The following CDC14B variants were observed in gnomAD, a reference collection of about 807,000 sequenced individuals.
CDC14B encodes dual specificity protein phosphatase CDC14B.
CDC14B carries 22 observed loss-of-function variants against 64.2 expected under a neutral mutation model. The observed-to-expected ratio is 0.34, with a 90% CI of 0.24 to 0.49. The LOEUF is 0.49. Among genes scored for constraint, CDC14B ranks in the 20% least tolerant of loss-of-function variants. The probability of loss-of-function intolerance (pLI) is 0.99; values close to 1 mark genes in which losing one functional copy is unlikely to be tolerated. For missense variants in CDC14B, 498 were observed against 629.9 expected, an observed-to-expected ratio of 0.79 and a Z score of 2.24; for synonymous variants, 191 against 215.8, an observed-to-expected ratio of 0.89 and a Z score of 1.01.
chr9:96,601,794 GAA>G (rs35472518), intron 1 of CDC14B, among the ~76,000 whole-genome samples: 55 of 68,236 alleles, frequency 8.1e-4, no homozygotes, highest in African/African-American at 1.8e-3. Flanking sequence ...ACGCTGTCTC[GAA>G]AAAAAAAAAA....
chr9:96,587,321 G>A (rs762362338), intron 1 of CDC14B, among the ~76,000 whole-genome samples: 16 of 152,198 alleles, frequency 1.1e-4, no homozygotes, highest in Non-Finnish European at 2.2e-4. Flanking sequence ...CCACATGTGG[G>A]TAGTGGTCAC....
intron 4 of CDC14B, among the ~76,000 whole-genome samples, chr9:96,553,086 T>C (rs1164602284): frequency 6.6e-6 from 1 of 152,208 alleles, no homozygotes; most frequent in Non-Finnish European, 1.5e-5. Context: ...CTGATGTACT[T>C]AGCTGAACCC....
chr9:96,498,111 G>A (rs1458317065), downstream of CDC14B, among the ~76,000 whole-genome samples: 4 of 152,188 alleles, frequency 2.6e-5, no homozygotes, highest in Non-Finnish European at 5.9e-5. Flanking sequence ...CAGCTAGTCA[G>A]GGCGTGCTAC....
At position 96,551,809 on chromosome 9, in the gene CDC14B, A is replaced by G. The variant is rs763280602; in HGVS notation, c.484T>C (p.Tyr162His). Residue 162 changes from tyrosine to histidine, a missense_variant, in exon 5 of 14, where the codon TAT (tyrosine) becomes CAT (histidine). By Grantham distance (83) the Tyr-to-His change is moderately conservative (BLOSUM62 2). Transcript: ENST00000375241. ...YRILIFGETS[Y>H]IPFRDAAYGS... ...TCTTATATTTACCTGAAAGGAATAT[A>G]GGATGTCTCTCCAAAGATTAATATT... The G allele has an allele frequency of 6.2e-7, 1 of 1,610,852 alleles. No individual in the cohort carries two copies. The highest frequency in any genetic ancestry group is 1.1e-5 in the South Asian group (1 of 90,632).
chr9:96,495,401 G>A (rs951647073), downstream of CDC14B, among the ~76,000 whole-genome samples: 64 of 66,562 alleles, frequency 9.6e-4, 1 homozygote, highest in South Asian at 1.2e-3. Context: ...GCCCCCCCCC[G>A]CCCCCCGCCC....
chr9:96,600,602 G>C (rs1032171589), intron 1 of CDC14B, among the ~76,000 whole-genome samples: 1 of 151,736 alleles, frequency 6.6e-6, no homozygotes, highest in Non-Finnish European at 1.5e-5. Flanking sequence ...TCCTGAGTTC[G>C]AGCGATTCTC....
Position 96,565,415 on chromosome 9 carries a change from C to T in CDC14B, c.229G>A (p.Asp77Asn). ...SASNVHYFSI[D>N]NELEYENFYA... ...TACTTCTCATATTCAAGTTCATTAT[C>T]TATGCTGAAATAATGTACATTTGAT... The change falls in exon 2 of 14, where the codon GAT becomes AAT. Residue 77 changes from aspartate (D) to asparagine (N), a missense_variant. Asp to Asn is a conservative substitution (Grantham distance 23). Coordinates refer to ENST00000375241, the MANE Select transcript of CDC14B (RefSeq NM_033331.4). 2 of 1,602,952 alleles carry T rather than the reference C, an allele frequency of 1.2e-6. No homozygotes were observed. Among genetic ancestry groups the T allele is most frequent in the Non-Finnish European group, 1.7e-6 (2 of 1,170,202 alleles).
chr9:96,515,706 A>C lies in CDC14B; in HGVS notation c.1344-5917T>G, dbSNP rs750264319. The C allele has an allele frequency of 1.2e-6, 2 of 1,604,720 alleles. No individual in the cohort carries two copies. The highest frequency in any genetic ancestry group is 1.7e-6 in the Non-Finnish European group (2 of 1,175,970). On this transcript the variant is annotated intron_variant, in intron 12 of 13. Coordinates refer to ENST00000375241, the MANE Select transcript of CDC14B (RefSeq NM_033331.4). The surrounding 1 kb of genome is among the most constrained non-coding windows in gnomAD (Gnocchi z 4.3). ...CTGTGTTCTGAAACCATCGAGACAG[A>C]ATAGCAGGATGGGAAGAATGTAGTC...
intron 5 of CDC14B, among the ~76,000 whole-genome samples, chr9:96,544,199 C>T (rs1247914379): frequency 1.3e-5 from 2 of 151,900 alleles, no homozygotes; most frequent in African/African-American, 4.8e-5. Flanking sequence ...AGCCTGGTGA[C>T]AGAGCGAGAC....
At chr9:96,513,541 C>T (rs564876415) in intron 12 of CDC14B, among the ~76,000 whole-genome samples, 1 of 152,352 alleles carries the variant, frequency 6.6e-6, no homozygotes, top group African/African-American at 2.4e-5. Flanking sequence ...TTCCAGTTCA[C>T]CTTCTTCTCT....
intron 1 of CDC14B, among the ~76,000 whole-genome samples, chr9:96,612,731 T>G (rs1847401173): frequency 6.6e-6 from 1 of 152,226 alleles, no homozygotes; most frequent in Non-Finnish European, 1.5e-5. Context: ...TTTTCTCAAT[T>G]AACACTGAAA....
chr9:96,573,342 G>A (rs1219296739), intron 1 of CDC14B, among the ~76,000 whole-genome samples: 1 of 151,934 alleles, frequency 6.6e-6, no homozygotes. Context: ...ATGAGAATCG[G>A]CAGATAAACT....
chr9:96,536,599 A>G (rs960826582), intron 7 of CDC14B, among the ~76,000 whole-genome samples: 1 of 152,258 alleles, frequency 6.6e-6, no homozygotes, highest in Non-Finnish European at 1.5e-5. Context: ...TACATCACAG[A>G]AACAACTGAG....
intron 1 of CDC14B, among the ~76,000 whole-genome samples, chr9:96,584,646 G>A (rs1287005283): frequency 6.6e-6 from 1 of 152,060 alleles, no homozygotes; most frequent in Non-Finnish European, 1.5e-5. Flanking sequence ...TAATAAAACA[G>A]ACTTTATTTT....
chr9:96,592,022 G>C (rs369752248), intron 1 of CDC14B, among the ~76,000 whole-genome samples: 2 of 152,186 alleles, frequency 1.3e-5, no homozygotes, highest in South Asian at 4.1e-4. Flanking sequence ...TGGGATTACA[G>C]GCATGAGCCA....
chr9:96,618,234 G>T (rs535087196), intron 1 of CDC14B, among the ~76,000 whole-genome samples: 21 of 152,296 alleles, frequency 1.4e-4, no homozygotes, highest in Non-Finnish European at 2.8e-4. Flanking sequence ...CAAAGGCTAG[G>T]GGCTGGAAAC....
chr9:96,573,691 T>C (rs1844610899), intron 1 of CDC14B, among the ~76,000 whole-genome samples: 3 of 152,176 alleles, frequency 2.0e-5, no homozygotes, highest in Admixed American at 2.0e-4. Context: ...ATAAACTACA[T>C]GAAACCTGAC....
chr9:96,606,727 C>T (rs1345397245), intron 1 of CDC14B, among the ~76,000 whole-genome samples: 3 of 151,758 alleles, frequency 2.0e-5, no homozygotes, highest in Non-Finnish European at 2.9e-5. Flanking sequence ...CCACCACGCC[C>T]GGCTAATTTT....
At chr9:96,603,134 T>C (rs538186928) in intron 1 of CDC14B, among the ~76,000 whole-genome samples, 83 of 148,866 alleles carry the variant, frequency 5.6e-4, no homozygotes, top group Non-Finnish European at 1.1e-3. Flanking sequence ...TAATGTGGTG[T>C]CATTTGAGGT....
Sources: allele counts gnomAD v4.1 joint callset (sites outside exome capture counted in the v4.1 genomes callset), GRCh38; gene constraint gnomAD v4.1.1; non-coding constraint Gnocchi (gnomAD v3.1); transcripts MANE v1.5; gene names NCBI Gene and HGNC (gene_info 2026-07-23, HGNC 2026-07-21).